The following STRBP variants were observed in gnomAD, a reference collection of about 807,000 sequenced individuals.
The protein encoded by STRBP is spermatid perinuclear RNA binding protein.
A neutral mutation model predicts 80.1 loss-of-function variants in STRBP; 13 were observed. That is an observed-to-expected ratio of 0.16 (90% CI 0.11 to 0.26). The LOEUF is 0.26. Ranked by LOEUF, STRBP falls within the 10% of genes least tolerant of loss-of-function variation. The pLI is 1.00. For missense variants in STRBP, 485 were observed against 815.2 expected (o/e 0.59, Z 4.93); for synonymous variants, 284 against 291.2 (o/e 0.98, Z 0.25).
downstream of STRBP, among the ~76,000 whole-genome samples, chr9:123,116,752 C>T (rs2035652252): frequency 6.6e-6 from 1 of 152,332 alleles, no homozygotes; most frequent in South Asian, 2.1e-4. Flanking sequence ...GCGACGCAAA[C>T]CACCTGCACA....
chr9:123,191,411 G>A (rs1266924879), intron 2 of STRBP, among the ~76,000 whole-genome samples: 1 of 152,054 alleles, frequency 6.6e-6, no homozygotes, highest in Non-Finnish European at 1.5e-5. Flanking sequence ...GGGGGAGAGA[G>A]GAGGGCCGAG....
At chr9:123,133,377 G>A (rs928862929) in intron 16 of STRBP, among the ~76,000 whole-genome samples, 3 of 152,156 alleles carry the variant, frequency 2.0e-5, no homozygotes, top group African/African-American at 7.2e-5. Context: ...GAATCTGAGT[G>A]GGGCTAGTGG....
intron 2 of STRBP, among the ~76,000 whole-genome samples, chr9:123,206,052 T>C (rs1302609996): frequency 1.3e-5 from 2 of 152,220 alleles, no homozygotes; most frequent in Non-Finnish European, 2.9e-5. Flanking sequence ...TGTATTACAG[T>C]TCCGGCTCGA....
chr9:123,259,799 A>C (rs190874689), intron 1 of STRBP, among the ~76,000 whole-genome samples: 1 of 152,348 alleles, frequency 6.6e-6, no homozygotes, highest in Non-Finnish European at 1.5e-5. Flanking sequence ...AGAACCAAAA[A>C]AGAGACTATG....
chr9:123,132,841 A>G lies in STRBP; in HGVS notation c.1897+4T>C. 1 of 1,613,966 alleles carries G rather than the reference A, an allele frequency of 6.2e-7. No individual in the cohort carries two copies. The highest frequency in any genetic ancestry group is 2.2e-5 in the East Asian group (1 of 44,874). On this transcript the variant is annotated splice_donor_region_variant and intron_variant, in intron 17 of 18. Transcript: ENST00000348403. ...GGGCCAATCTCTTGCAGTTTGTACT[A>G]TACCTGGAGCTATGTAGCCAGGAGC...
rs1405177965 is a variant in STRBP at position 123,227,333 on chromosome 9, G to C, written c.-165+9497C>G. ...TGGTAAAGAACATTTCCAACAGAAA[G>C]AACATCAAGTGCAAAGGCCCTGAGT... is the stretch of plus-strand genomic sequence containing the variant. On this transcript the variant is annotated intron_variant, in intron 2 of 18. Transcript: ENST00000348403. Among the ~76,000 whole-genome samples the C allele has an allele frequency of 2.0e-5, 3 of 152,190 alleles. No homozygotes were observed. In the East Asian group the frequency reaches 5.8e-4, roughly 29 times the overall value.
At chr9:123,204,923 C>CAAAAA (rs34576355) in intron 2 of STRBP, among the ~76,000 whole-genome samples, 7 of 54,458 alleles carry the variant, frequency 1.3e-4, no homozygotes, top group East Asian at 3.9e-4. Flanking sequence ...GACTCCATCT[C>CAAAAA]AAAAAAAAAA....
chr9:123,171,620 G>C (rs1239057685), intron 5 of STRBP, among the ~76,000 whole-genome samples: 1 of 152,096 alleles, frequency 6.6e-6, no homozygotes. Context: ...ATTTTAATCT[G>C]AGATTAGTGT....
rs112263716 is a variant in STRBP at position 123,169,279 on chromosome 9, A to G, written c.535+623T>C. 3.6e-3 allele frequency among the ~76,000 whole-genome samples: 540 copies of G among 150,176 alleles called. 2 individuals are homozygous for G. The highest frequency in any genetic ancestry group is 0.012 in the African/African-American group (489 of 40,712). On this transcript the variant is annotated intron_variant, in intron 6 of 18. Coordinates refer to ENST00000348403, the MANE Select transcript of STRBP (RefSeq NM_018387.5). ...CGCTTCCTGGGTTCAAGCAATTCTC[A>G]TGTCTCAGCCTCCCGAGTAGCTGGG...
chr9:123,156,543 A>G (rs2132384441), intron 11 of STRBP, among the ~76,000 whole-genome samples: 1 of 152,214 alleles, frequency 6.6e-6, no homozygotes, highest in East Asian at 1.9e-4. Flanking sequence ...CATATTAAAA[A>G]TAAAACAAAA....
rs531565042 is a variant in STRBP, at chr9:123,230,073, T to C, written c.-165+6757A>G. On this transcript the variant is annotated intron_variant, in intron 2 of 18. Transcript: ENST00000348403. ...GACTATACAGACTATACAGAGGAGT[T>C]AGCATAATGACTATGGAATTTAAGC... Among the ~76,000 whole-genome samples, 7 of 152,252 alleles carry C rather than the reference T, an allele frequency of 4.6e-5. No homozygotes were observed. The East Asian group carries it at 1.2e-3, about 25-fold the overall frequency.
intron 1 of STRBP, among the ~76,000 whole-genome samples, chr9:123,257,985 AAATT>A (rs2041072740): frequency 6.6e-6 from 1 of 152,108 alleles, no homozygotes; most frequent in East Asian, 1.9e-4. Context: ...CAAGATGAAT[AAATT>A]AATAAGGATA....
intron 2 of STRBP, among the ~76,000 whole-genome samples, chr9:123,192,618 T>A (rs1007406940): frequency 2.6e-5 from 4 of 152,182 alleles, no homozygotes; most frequent in Non-Finnish European, 5.9e-5. Flanking sequence ...AGGGGGATAG[T>A]GCATAGGAAC....
intron 2 of STRBP, among the ~76,000 whole-genome samples, chr9:123,212,066 A>C (rs2039729033): frequency 1.3e-5 from 2 of 152,226 alleles, no homozygotes; most frequent in African/African-American, 4.8e-5. Flanking sequence ...GAATAAGAAA[A>C]GTAAAATGCA....
At position 123,136,425 on chromosome 9, in the gene STRBP, T is replaced by A; in HGVS notation, c.1588A>T (p.Ile530Phe). Residue 530 changes from isoleucine (I) to phenylalanine (F), a missense_variant, in exon 15 of 19, where the codon ATC (isoleucine) becomes TTC (phenylalanine). Ile to Phe is a conservative substitution (Grantham distance 21). This residue lies in a region of STRBP where 23 missense variants were observed against 79.0 expected (regional missense o/e 0.29). Coordinates refer to ENST00000348403, the MANE Select transcript of STRBP (RefSeq NM_018387.5). The surrounding 1 kb of genome is among the most constrained non-coding windows in gnomAD (Gnocchi z 4.2). ...TCATGGCTTCCACCAGTCTCTGAGA[T>A]GAGTTCATACTTGAGACCTCTTCTT... ...EKRRGLKYEL[I>F]SETGGSHDKR... The A allele has an allele frequency of 1.2e-6, 2 of 1,614,192 alleles. No homozygotes were observed. The highest frequency in any genetic ancestry group is 1.7e-6 in the Non-Finnish European group (2 of 1,180,028).
At chr9:123,237,038 G>T (rs1199445392) in intron 1 of STRBP, 72 bp from the exon 2 acceptor site, 1 of 152,358 alleles carries the variant, frequency 6.6e-6, no homozygotes, top group Non-Finnish European at 1.5e-5. Flanking sequence ...GGAGGCTGAG[G>T]CAGGAGAATC....
chr9:123,267,707 G>A (rs960579538), intron 1 of STRBP, among the ~76,000 whole-genome samples: 2 of 84,408 alleles, frequency 2.4e-5, no homozygotes, highest in Admixed American at 1.6e-4. Flanking sequence ...TCCCCTTCAC[G>A]GGCGTCCCGG....
intron 5 of STRBP, 152 bp from the exon 6 acceptor site, chr9:123,170,198 G>A: frequency 1.6e-6 from 1 of 625,194 alleles, no homozygotes; most frequent in South Asian, 2.7e-5. Context: ...TCTTTACTGG[G>A]GATAACACTT....
rs780046552 is a variant in STRBP, at chr9:123,158,460, T to C, written c.836-31A>G. 3.1e-6 allele frequency: 5 copies of C among 1,591,452 alleles called. No homozygotes were observed. In the East Asian group the frequency reaches 1.1e-4, roughly 36 times the overall value. On this transcript the variant is annotated intron_variant, in intron 9 of 18. Coordinates refer to ENST00000348403, the MANE Select transcript of STRBP (RefSeq NM_018387.5). ...GCAAAGGAAAAACACAAGTATCATT[T>C]AGAACTGAGTTTAGAATTCGGTAAA...
Sources: gnomAD v4.1 joint callset for allele counts (sites outside exome capture counted in the v4.1 genomes callset) on GRCh38, gnomAD v4.1.1 for gene constraint, gnomAD v4.1.1 regional missense constraint, Gnocchi (gnomAD v3.1) non-coding constraint, MANE v1.5 for transcripts, NCBI Gene and HGNC (gene_info 2026-07-23, HGNC 2026-07-21) for gene names.